The following DNM3 variants were observed in gnomAD, a reference collection of about 807,000 sequenced individuals.
DNM3 encodes dynamin 3.
DNM3 carries 47 observed loss-of-function variants against 101.6 expected under a neutral mutation model. The ratio of observed to expected loss-of-function variants is 0.46; its 90% confidence interval spans 0.37 to 0.59. The LOEUF is 0.59. Ranked by LOEUF, DNM3 falls within the 20% of genes least tolerant of loss-of-function variation. The probability of loss-of-function intolerance (pLI) is 0.00; values close to 1 mark genes in which losing one functional copy is unlikely to be tolerated. For missense variants in DNM3, 849 were observed against 1,085.7 expected (o/e 0.78, Z 3.06); for synonymous variants, 385 against 387.9 (o/e 0.99, Z 0.09).
At chr1:172,378,993 C>T (rs1558064090) in intron 17 of DNM3, 25 bp from the exon 18 acceptor site, 1 of 1,599,922 alleles carries the variant, frequency 6.3e-7, no homozygotes, top group Non-Finnish European at 8.5e-7. Context: ...TGAGATAATC[C>T]ATGGTTTGTT....
intron 18 of DNM3, among the ~76,000 whole-genome samples, chr1:172,385,052 A>G (rs1331921227): frequency 6.6e-6 from 1 of 152,162 alleles, no homozygotes; most frequent in African/African-American, 2.4e-5. Flanking sequence ...TCTCCTACTC[A>G]TCCAAATGTC....
intron 14 of DNM3, among the ~76,000 whole-genome samples, chr1:172,219,231 A>G (rs2060814702): frequency 1.3e-5 from 2 of 151,844 alleles, no homozygotes; most frequent in Non-Finnish European, 2.9e-5. Flanking sequence ...GCATGGTGGC[A>G]TGCACCCCTG....
rs762270675 is a variant in DNM3, at chr1:172,388,681, C to A, written c.2394C>A (p.Pro798=). ...CTCCTGCCATTCCCTCTCCTGGCCCCCACTCTGGGGCTCCTCCAGTCCCAT... is the reference window on the plus strand; with the variant it reads ...CTCCTGCCATTCCCTCTCCTGGCCCACACTCTGGGGCTCCTCCAGTCCCAT... ...GPAPAIPSPG[P]HSGAPPVPFR... is the part of the protein sequence containing the mutation. Residue 798 remains proline (P), a synonymous_variant, in exon 20 of 21, where the codon CCC becomes CCA. Transcript: ENST00000627582. The A allele has an allele frequency of 5.0e-6, 8 of 1,613,972 alleles. No individual in the cohort carries two copies. In the Admixed American group the frequency reaches 1.3e-4, roughly 27 times the overall value.
chr1:172,038,457 C>G lies in DNM3; in HGVS notation c.988C>G (p.Leu330Val). Residue 330 changes from leucine (L) to valine (V), a missense_variant, in exon 7 of 21, where the codon CTG becomes GTG. By Grantham distance (32) the Leu-to-Val change is conservative. Around this residue, in one of 5 missense-constraint regions of DNM3, gnomAD observed 388 missense variants for 483.0 expected, o/e 0.80. Coordinates refer to ENST00000627582, the MANE Select transcript of DNM3 (RefSeq NM_015569.5). ...CCCAACAAGGAAGACCAAAGCATTGCTGCAGTAGGTCACCTTTCCCTTCCT... is the reference window on the plus strand; with the variant it reads ...CCCAACAAGGAAGACCAAAGCATTGGTGCAGTAGGTCACCTTTCCCTTCCT... ...EDPTRKTKAL[L>V]QMVQQFAVDF... The G allele has an allele frequency of 1.2e-6, 2 of 1,612,484 alleles. No homozygotes were observed. Among genetic ancestry groups the G allele is most frequent in the Non-Finnish European group, 1.7e-6 (2 of 1,179,156 alleles).
intron 15 of DNM3, chr1:172,289,747 T>G: frequency 1.0e-6 from 1 of 985,048 alleles, no homozygotes; most frequent in South Asian, 4.7e-5. Flanking sequence ...CAATACTGTG[T>G]GTAAGGTTGT....
intron 2 of DNM3, among the ~76,000 whole-genome samples, chr1:171,986,875 G>T (rs2045299105): frequency 1.3e-5 from 2 of 152,058 alleles, no homozygotes; most frequent in Non-Finnish European, 2.9e-5. Flanking sequence ...TAATAGTACT[G>T]TACTAGCTTT....
intron 4 of DNM3, among the ~76,000 whole-genome samples, chr1:172,011,095 G>T (rs1039641491): frequency 6.6e-6 from 1 of 151,686 alleles, no homozygotes; most frequent in Non-Finnish European, 1.5e-5. Flanking sequence ...CATATTTTTT[G>T]ATGTTCATTT....
intron 14 of DNM3, among the ~76,000 whole-genome samples, chr1:172,251,105 C>T (rs945867067): frequency 1.3e-5 from 2 of 152,122 alleles, no homozygotes; most frequent in East Asian, 1.9e-4. Context: ...ATTTCAAGTG[C>T]TCAGTAACTG....
intron 14 of DNM3, among the ~76,000 whole-genome samples, chr1:172,220,021 T>C (rs1482413080): frequency 6.6e-6 from 1 of 152,108 alleles, no homozygotes; most frequent in Non-Finnish European, 1.5e-5. Flanking sequence ...ACATGGCTCA[T>C]CTGGCCAGGG....
intron 15 of DNM3, among the ~76,000 whole-genome samples, chr1:172,308,050 A>T (rs2064918405): frequency 6.6e-6 from 1 of 152,160 alleles, no homozygotes; most frequent in African/African-American, 2.4e-5. Context: ...AAAAAAAAGA[A>T]AAGAAGGTTA....
intron 2 of DNM3, among the ~76,000 whole-genome samples, chr1:171,942,201 ATTTT>A (rs71561599): frequency 2.9e-5 from 3 of 103,574 alleles, no homozygotes; most frequent in Non-Finnish European, 5.6e-5. Context: ...TGCTCACTTG[ATTTT>A]TTTTTTTTTT....
chr1:172,075,778 G>A lies in DNM3; in HGVS notation c.1423-6054G>A, dbSNP rs533018127. On this transcript the variant is annotated intron_variant, in intron 11 of 20. Transcript: ENST00000627582. The stretch of plus-strand genomic sequence containing the variant: ...CTCCAGCTTTGTACTTTTTGCCTAC[G>A]CTTGTCTTGGCTATATGGGCTCTTT... Among the ~76,000 whole-genome samples, 11 of 152,216 alleles carry A rather than the reference G, an allele frequency of 7.2e-5. No homozygotes were observed. The South Asian group carries it at 1.7e-3, about 23-fold the overall frequency.
intron 10 of DNM3, among the ~76,000 whole-genome samples, chr1:172,055,192 C>A (rs556107882): frequency 6.6e-6 from 1 of 152,148 alleles, no homozygotes; most frequent in Non-Finnish European, 1.5e-5. Context: ...CTCTCCTCCT[C>A]TTGGTCCACT....
intron 2 of DNM3, among the ~76,000 whole-genome samples, chr1:171,968,372 T>C (rs1013835030): frequency 3.3e-5 from 5 of 152,198 alleles, no homozygotes; most frequent in Non-Finnish European, 5.9e-5. Flanking sequence ...CTCCTCATTT[T>C]ACAAAATAGA....
intron 13 of DNM3, among the ~76,000 whole-genome samples, chr1:172,118,392 C>T (rs1410116856): frequency 1.3e-5 from 2 of 152,170 alleles, no homozygotes; most frequent in African/African-American, 4.8e-5. Flanking sequence ...ATTCTCATTA[C>T]TTGACATTGA....
At chr1:172,161,854 C>T (rs2058557372) in intron 14 of DNM3, among the ~76,000 whole-genome samples, 1 of 152,064 alleles carries the variant, frequency 6.6e-6, no homozygotes, top group Non-Finnish European at 1.5e-5. Flanking sequence ...ATGAAATTGA[C>T]TGCTATTGAA....
At chr1:172,295,608 C>G (rs897426807) in intron 15 of DNM3, among the ~76,000 whole-genome samples, 3 of 151,960 alleles carry the variant, frequency 2.0e-5, no homozygotes, top group African/African-American at 7.2e-5. Flanking sequence ...TGAAAGATAA[C>G]TGCTGAAAAA....
intron 2 of DNM3, among the ~76,000 whole-genome samples, chr1:171,943,773 G>A (rs1383195136): frequency 3.3e-5 from 5 of 152,214 alleles, no homozygotes; most frequent in Non-Finnish European, 7.3e-5. Context: ...CCTGAGGGCT[G>A]TGTCATGGCC....
At chr1:172,323,272 A>G (rs1314581067) in intron 16 of DNM3, 57 bp from the exon 17 acceptor site, 2 of 1,512,566 alleles carry the variant, frequency 1.3e-6, no homozygotes, top group African/African-American at 1.4e-5. Context: ...TCATAATTTT[A>G]AAATAAATTT....
Sources: allele counts gnomAD v4.1 joint callset (sites outside exome capture counted in the v4.1 genomes callset), GRCh38; gene constraint gnomAD v4.1.1; regional missense constraint gnomAD v4.1.1; transcripts MANE v1.5; gene names NCBI Gene and HGNC (gene_info 2026-07-23, HGNC 2026-07-21).